CDH4: variants seen among roughly 807,000 people sequenced by gnomAD.
CDH4 encodes the protein cadherin-4.
A neutral mutation model predicts 86.0 loss-of-function variants in CDH4; 33 were observed. The ratio of observed to expected loss-of-function variants is 0.38; its 90% CI spans 0.29 to 0.51. The LOEUF is 0.51. Ranked by LOEUF, CDH4 falls within the 20% of genes least tolerant of loss-of-function variation. CDH4 has a pLI of 0.86. For missense variants in CDH4, 1,114 were observed against 1,307.4 expected, an observed-to-expected ratio of 0.85 and a Z score of 2.28; for synonymous variants, 555 against 549.4, an observed-to-expected ratio of 1.01 and a Z score of -0.14.
chr20:61,911,811 T>C (rs1192319835), intron 9 of CDH4, among the ~76,000 whole-genome samples: 1 of 152,288 alleles, frequency 6.6e-6, no homozygotes, highest in Non-Finnish European at 1.5e-5. Flanking sequence ...CAAGGTGAGC[T>C]TAAAGCTGGA....
At chr20:61,302,815 C>T (rs981154582) in intron 2 of CDH4, among the ~76,000 whole-genome samples, 2 of 152,134 alleles carry the variant, frequency 1.3e-5, no homozygotes, top group African/African-American at 2.4e-5. Context: ...TGAAGGATGC[C>T]GAGATGGGAG....
At position 61,784,665 on chromosome 20, in the gene CDH4, C is replaced by T. The variant is rs371396649; in HGVS notation, c.576+11483C>T. 1.6e-4 allele frequency among the ~76,000 whole-genome samples: 14 copies of T among 89,188 alleles called. No individual in the cohort carries two copies. The South Asian group carries it at 3.3e-3, about 21-fold the overall frequency. 58.5% of individuals were successfully genotyped at this position (89,188 alleles called of 152,430 possible). A position where few individuals can be genotyped will look rare whatever the true frequency, so the allele number is the denominator to read the frequency against. On this transcript the variant is annotated intron_variant, in intron 4 of 15. Coordinates refer to ENST00000614565, the MANE Select transcript of CDH4 (RefSeq NM_001794.5). ...GTTCCTCGGGACAGTTCTCGAGGCC[C>T]TCAGATGTCCTGTGCCCCCAAGAGA... is the stretch of plus-strand genomic sequence containing the variant.
intron 4 of CDH4, among the ~76,000 whole-genome samples, chr20:61,820,993 T>C (rs1980993548): frequency 6.6e-6 from 1 of 151,976 alleles, no homozygotes; most frequent in African/African-American, 2.4e-5. Flanking sequence ...CCTCAGCATA[T>C]CCTGTAGTTC....
rs140345844 is a variant in CDH4 at position 61,424,451 on chromosome 20, C to T, written c.169+169514C>T. 3.1e-3 allele frequency among the ~76,000 whole-genome samples: 472 copies of T among 152,154 alleles called. 3 individuals carry two copies. Among genetic ancestry groups the T allele is most frequent in the Middle Eastern group, 0.01 (3 of 294 alleles). Reference sequence around the variant, plus strand: ...ACCCTTATACACATGTATCCCCATACAGCACACATGTATATATGCATATCC... The same window carrying T: ...ACCCTTATACACATGTATCCCCATATAGCACACATGTATATATGCATATCC... On this transcript the variant is annotated intron_variant, in intron 2 of 15. Coordinates refer to ENST00000614565, the MANE Select transcript of CDH4 (RefSeq NM_001794.5).
At chr20:61,639,273 AT>A (rs1260813897) in intron 2 of CDH4, among the ~76,000 whole-genome samples, 1 of 152,188 alleles carries the variant, frequency 6.6e-6, no homozygotes, top group African/African-American at 2.4e-5. Flanking sequence ...CATACCCACC[AT>A]TCATACAGGG....
intron 2 of CDH4, among the ~76,000 whole-genome samples, chr20:61,331,020 C>T (rs1012778189): frequency 6.6e-6 from 1 of 152,062 alleles, no homozygotes; most frequent in Non-Finnish European, 1.5e-5. Flanking sequence ...TGGATGTCAT[C>T]GAATGATCAT....
chr20:61,772,295 A>C (rs1197873597), intron 3 of CDH4, among the ~76,000 whole-genome samples: 1 of 152,126 alleles, frequency 6.6e-6, no homozygotes, highest in Non-Finnish European at 1.5e-5. Context: ...GACTCCCATC[A>C]GCCTCCACCC....
chr20:61,757,818 G>A (rs117891266), intron 3 of CDH4, among the ~76,000 whole-genome samples: 5 of 152,178 alleles, frequency 3.3e-5, no homozygotes, highest in African/African-American at 1.2e-4. Flanking sequence ...TACAGACTCT[G>A]TGTCACCTCC....
chr20:61,554,624 C>T (rs1043035785), intron 2 of CDH4, among the ~76,000 whole-genome samples: 4 of 152,224 alleles, frequency 2.6e-5, no homozygotes, highest in African/African-American at 4.8e-5. Flanking sequence ...ACTCTCAAAG[C>T]GGCTGCCTGG....
At chr20:61,492,342 GAT>G in intron 2 of CDH4, among the ~76,000 whole-genome samples, 1 of 152,080 alleles carries the variant, frequency 6.6e-6, no homozygotes, top group African/African-American at 2.4e-5. Flanking sequence ...TTGTGATGTT[GAT>G]GTTGATGGTG....
chr20:61,923,796 G>A (rs1352971786), intron 10 of CDH4, 92 bp downstream of exon 10: 4 of 1,491,058 alleles, frequency 2.7e-6, no homozygotes, highest in Non-Finnish European at 3.6e-6. Flanking sequence ...CCACAGCCCA[G>A]AATTCCCCCA....
In CDH4 at chr20:61,803,290, C is replaced by T. The variant is rs551450835; in HGVS notation, c.576+30108C>T. Among the ~76,000 whole-genome samples, 3 of 152,302 alleles carry T rather than the reference C, an allele frequency of 2.0e-5. No homozygotes were observed. In the South Asian group the frequency reaches 6.2e-4, roughly 32 times the overall value. On this transcript the variant is annotated intron_variant, in intron 4 of 15. Transcript: ENST00000614565. ...CGCCCGGGCTGGCAGTTAGAGAAGC[C>T]AGGCAGAGAAGTGCGGCCAGAGAGG... is the stretch of plus-strand genomic sequence containing the variant.
intron 4 of CDH4, among the ~76,000 whole-genome samples, chr20:61,788,450 G>A (rs888268410): frequency 2.0e-5 from 3 of 152,168 alleles, no homozygotes; most frequent in African/African-American, 7.2e-5. Flanking sequence ...CTGGGGAAAC[G>A]GAAACTCATC....
At chr20:61,926,879 GA>G (rs201937796) in intron 11 of CDH4, among the ~76,000 whole-genome samples, 1 of 151,638 alleles carries the variant, frequency 6.6e-6, no homozygotes, top group African/African-American at 2.4e-5. Context: ...TCTCAAAAAA[GA>G]AAAAAAAGAA....
In CDH4 at chr20:61,728,643, G is replaced by A. The variant is rs565490560; in HGVS notation, c.170-14920G>A. Reference sequence around the variant, plus strand: ...GGAACATGACCTTCCATATAGGTTTGTGTGGGTTCTGTAAGAGAATGTGCT... The same window carrying A: ...GGAACATGACCTTCCATATAGGTTTATGTGGGTTCTGTAAGAGAATGTGCT... On this transcript the variant is annotated intron_variant, in intron 2 of 15. Coordinates refer to ENST00000614565, the MANE Select transcript of CDH4 (RefSeq NM_001794.5). Among the ~76,000 whole-genome samples, 32 of 152,308 alleles carry A rather than the reference G, an allele frequency of 2.1e-4. No individual in the cohort carries two copies. The South Asian group carries it at 5.8e-3, about 28-fold the overall frequency.
At chr20:61,699,833 C>T (rs1223918199) in intron 2 of CDH4, among the ~76,000 whole-genome samples, 2 of 152,188 alleles carry the variant, frequency 1.3e-5, no homozygotes, top group Non-Finnish European at 2.9e-5. Context: ...CATGTCGTGA[C>T]CAGCCTGTAA....
intron 2 of CDH4, among the ~76,000 whole-genome samples, chr20:61,507,601 C>A (rs957610414): frequency 6.6e-6 from 1 of 152,098 alleles, no homozygotes; most frequent in African/African-American, 2.4e-5. Flanking sequence ...AAGGGTACCT[C>A]CTACAAAATA....
At chr20:61,264,318 T>C (rs1293236555) in intron 2 of CDH4, among the ~76,000 whole-genome samples, 1 of 152,138 alleles carries the variant, frequency 6.6e-6, no homozygotes, top group African/African-American at 2.4e-5. Flanking sequence ...CTTCATTCAA[T>C]CTTACACATA....
chr20:61,258,221 G>C (rs925250847), intron 2 of CDH4, among the ~76,000 whole-genome samples: 1 of 150,888 alleles, frequency 6.6e-6, no homozygotes, highest in South Asian at 2.1e-4. Context: ...TCCCAGCTAC[G>C]TGAGAGGCTG....
Sources: gnomAD v4.1 joint callset for allele counts (sites outside exome capture counted in the v4.1 genomes callset) on GRCh38, gnomAD v4.1.1 for gene constraint, MANE v1.5 for transcripts, NCBI Gene and HGNC (gene_info 2026-07-23, HGNC 2026-07-21) for gene names.